The following CEP350 variants were observed in gnomAD, a reference collection of about 807,000 sequenced individuals.
The protein encoded by CEP350 is centrosomal protein 350.
In CEP350, 126 loss-of-function variants were observed where a neutral mutation model predicts 331.8. The observed-to-expected ratio is 0.38, with a 90% CI of 0.33 to 0.44. The LOEUF is 0.44. Ranked by LOEUF, CEP350 falls within the 20% of genes least tolerant of loss-of-function variation. The pLI is 1.00. For missense variants in CEP350, 3,406 were observed against 3,634.6 expected (o/e 0.94, Z 1.62); for synonymous variants, 1,200 against 1,259.5 (o/e 0.95, Z 1.00).
intron 37 of CEP350, among the ~76,000 whole-genome samples, chr1:180,110,743 G>A (rs191239555): frequency 2.0e-3 from 300 of 152,080 alleles, no homozygotes; most frequent in Admixed American, 5.2e-3. Context: ...CAACATACTG[G>A]TAATCTTTAA....
chr1:180,018,724 G>T (rs1025137662), intron 11 of CEP350, among the ~76,000 whole-genome samples: 2 of 152,090 alleles, frequency 1.3e-5, no homozygotes, highest in African/African-American at 4.8e-5. Flanking sequence ...CTCATAATTT[G>T]GTCATTTGTT....
intron 36 of CEP350, among the ~76,000 whole-genome samples, chr1:180,096,877 A>G (rs1250172876): frequency 6.6e-6 from 1 of 152,226 alleles, no homozygotes; most frequent in East Asian, 1.9e-4. Flanking sequence ...GTGCATGTGA[A>G]TGATCTGAGG....
chr1:180,047,911 A>G (rs914614635), intron 21 of CEP350, among the ~76,000 whole-genome samples: 1 of 151,816 alleles, frequency 6.6e-6, no homozygotes, highest in Non-Finnish European at 1.5e-5. Flanking sequence ...AGGATATAAG[A>G]AGGGAGGGCT....
intron 1 of CEP350, among the ~76,000 whole-genome samples, chr1:179,977,877 T>C (rs1009284662): frequency 6.6e-6 from 1 of 151,706 alleles, no homozygotes; most frequent in African/African-American, 2.4e-5. Context: ...GTTTATATCC[T>C]TATTCTGTAA....
rs1373980061 is a variant in CEP350, at chr1:180,093,318, C to T, written c.7213C>T (p.Leu2405Phe). 4 of 1,598,604 alleles carry T rather than the reference C, an allele frequency of 2.5e-6. No homozygotes were observed. The highest frequency in any genetic ancestry group is 2.7e-5 in the African/African-American group (2 of 74,752). ...DDFEVSSLLSLRKDSQSCRDK... is the reference protein window; with the variant it reads ...DDFEVSSLLSFRKDSQSCRDK... ...TTTTGAGGTGTCATCTTTGCTGTCA[C>T]TCAGGAAAGACTCTCAGTCTTGCAG... The change falls in exon 34 of 38, where the codon CTC becomes TTC. Residue 2405 changes from leucine to phenylalanine, a missense_variant. Transcript: ENST00000367607.
At chr1:180,005,210 C>G (rs1024845803) in intron 7 of CEP350, among the ~76,000 whole-genome samples, 1 of 151,910 alleles carries the variant, frequency 6.6e-6, no homozygotes, top group African/African-American at 2.4e-5. Flanking sequence ...TCACTTGTAT[C>G]CAGCTGCTAC....
chr1:180,028,854 G>A (rs1655840070), intron 14 of CEP350, among the ~76,000 whole-genome samples: 1 of 152,112 alleles, frequency 6.6e-6, no homozygotes, highest in African/African-American at 2.4e-5. Flanking sequence ...TTAATAATAT[G>A]ATTTAATGTA....
intron 8 of CEP350, among the ~76,000 whole-genome samples, 182 bp from the exon 9 acceptor site, chr1:180,011,747 C>G (rs1239169401): frequency 2.0e-5 from 3 of 152,114 alleles, no homozygotes; most frequent in Non-Finnish European, 2.9e-5. Context: ...GTGGGTAAAT[C>G]AAGATATAAA....
chr1:179,961,159 C>G (rs1650580084), intron 1 of CEP350, among the ~76,000 whole-genome samples: 1 of 151,858 alleles, frequency 6.6e-6, no homozygotes, highest in African/African-American at 2.4e-5. Flanking sequence ...TTTAAACAGC[C>G]TCATGGCCAG....
At chr1:180,022,924 TTA>T in intron 13 of CEP350, 76 bp downstream of exon 13, 1 of 1,388,434 alleles carries the variant, frequency 7.2e-7, no homozygotes, top group Admixed American at 2.4e-5. Context: ...GGTCTGAATA[TTA>T]GCCAAGTTTT....
At chr1:179,976,243 G>T in intron 1 of CEP350, among the ~76,000 whole-genome samples, 1 of 150,140 alleles carries the variant, frequency 6.7e-6, no homozygotes, top group Non-Finnish European at 1.5e-5. Flanking sequence ...AAAAAAAATA[G>T]CTTTTTAGAC....
At chr1:180,047,223 A>G (rs1316679168) in intron 21 of CEP350, among the ~76,000 whole-genome samples, 1 of 152,208 alleles carries the variant, frequency 6.6e-6, no homozygotes, top group Non-Finnish European at 1.5e-5. Flanking sequence ...TCCTAAGTAT[A>G]TTAACCTGGC....
intron 29 of CEP350, 21 bp downstream of exon 29, chr1:180,078,695 A>G: frequency 6.5e-7 from 1 of 1,549,062 alleles, no homozygotes; most frequent in East Asian, 2.4e-5. Flanking sequence ...GTATATTTAT[A>G]TCTTAAAGAT....
At position 180,062,261 on chromosome 1, in the gene CEP350, G is replaced by T; in HGVS notation, c.5304G>T (p.Arg1768=). The T allele has an allele frequency of 6.2e-7, 1 of 1,610,346 alleles. No homozygotes were observed. Among genetic ancestry groups the T allele is most frequent in the Non-Finnish European group, 8.5e-7 (1 of 1,178,076 alleles). Residue 1768 remains arginine, a synonymous_variant, in exon 26 of 38, where the codon CGG becomes CGT. Coordinates refer to ENST00000367607, the MANE Select transcript of CEP350 (RefSeq NM_014810.5). ...TTCAAGAAGCCAATAAGGCAGCTCGGAAGGAAAGACAGCTGATTCTTAAAC... is the reference window on the plus strand; with the variant it reads ...TTCAAGAAGCCAATAAGGCAGCTCGTAAGGAAAGACAGCTGATTCTTAAAC... ...KRLQEANKAA[R]KERQLILKQQ...
chr1:180,113,448 A>G lies in CEP350; in HGVS notation c.*2287A>G, dbSNP rs1661545434. On this transcript the variant is annotated 3_prime_UTR_variant, in exon 38 of 38. Coordinates refer to ENST00000367607, the MANE Select transcript of CEP350 (RefSeq NM_014810.5). ...TAAGAAATGCTGCCAAGAATGTGGC[A>G]GTAGCTGTCCTGACAGACTCCAACT... 1.3e-5 allele frequency: 2 copies of G among 152,188 alleles called. No homozygotes were observed. The highest frequency in any genetic ancestry group is 4.8e-5 in the African/African-American group (2 of 41,460). 9.4% of individuals were successfully genotyped at this position (152,188 alleles called of 1,614,324 possible). A position where few individuals can be genotyped will look rare whatever the true frequency, so the allele number is the denominator to read the frequency against.
At chr1:180,068,982 A>G (rs1158207207) in intron 27 of CEP350, among the ~76,000 whole-genome samples, 4 of 152,176 alleles carry the variant, frequency 2.6e-5, no homozygotes, top group Non-Finnish European at 5.9e-5. Flanking sequence ...GAGTCTCACT[A>G]TGTGGCCCAG....
chr1:179,977,235 A>G (rs905556271), intron 1 of CEP350, among the ~76,000 whole-genome samples: 6 of 152,126 alleles, frequency 3.9e-5, no homozygotes, highest in Admixed American at 6.6e-5. Flanking sequence ...GGACTAGGGG[A>G]CTATGGGTGA....
At chr1:180,013,820 A>C in intron 9 of CEP350, 27 bp from the exon 10 acceptor site, 1 of 1,549,666 alleles carries the variant, frequency 6.5e-7, no homozygotes, top group Non-Finnish European at 8.7e-7. Context: ...GAATTTCGGT[A>C]TATCACTAAC....
At chr1:180,070,405 G>A (rs1320346079) in intron 27 of CEP350, among the ~76,000 whole-genome samples, 4 of 152,084 alleles carry the variant, frequency 2.6e-5, no homozygotes, top group African/African-American at 4.8e-5. Context: ...CTCATTTAAC[G>A]TCACATGGTC....
Sources: allele counts gnomAD v4.1 joint callset (sites outside exome capture counted in the v4.1 genomes callset), GRCh38; gene constraint gnomAD v4.1.1; transcripts MANE v1.5; gene names NCBI Gene and HGNC (gene_info 2026-07-23, HGNC 2026-07-21).